Variants in MARCHF1 observed in about 807,000 individuals in gnomAD.
MARCHF1 encodes membrane associated ring-CH-type finger 1.
Under a neutral mutation model 54.2 loss-of-function variants are expected in MARCHF1, and 40 were observed. The observed-to-expected ratio is 0.74, with a 90% CI of 0.57 to 0.96. The LOEUF is 0.96. MARCHF1 is among the 40% of genes least tolerant of loss of function. The probability of loss-of-function intolerance (pLI) is 0.00; values close to 1 mark genes in which losing one functional copy is unlikely to be tolerated. For synonymous variants in MARCHF1, 236 were observed against 236.3 expected (o/e 1.00, Z 0.01); for missense variants, 586 against 656.5 (o/e 0.89, Z 1.17).
chr4:163,955,629 G>A (rs767624333), intron 3 of MARCHF1, among the ~76,000 whole-genome samples: 24 of 152,024 alleles, frequency 1.6e-4, no homozygotes, highest in South Asian at 2.1e-4. Flanking sequence ...CTTGAAGATC[G>A]CATCTAACGT....
rs58808830 is a variant in MARCHF1 at position 164,340,405 on chromosome 4, T to TTATATACATACATATATATATA, written c.-323+43464_-323+43465insTATATATATATGTATGTATATA. ...ACAGCACATGCCACCAGGCCTTGAT[T>TTATATACATACATATATATATA]TATATATAGATATATATATATATAT... On this transcript the variant is annotated intron_variant, in intron 1 of 9. Transcript: ENST00000514618. Among the ~76,000 whole-genome samples, 873 of 95,502 alleles carry TTATATACATACATATATATATA rather than the reference T, an allele frequency of 9.1e-3. 47 individuals are homozygous for TTATATACATACATATATATATA. The highest frequency in any genetic ancestry group is 0.025 in the African/African-American group (700 of 27,770). 62.7% of individuals were successfully genotyped at this position (95,502 alleles called of 152,430 possible). A position where few individuals can be genotyped will look rare whatever the true frequency, so the allele number is the denominator to read the frequency against.
intron 2 of MARCHF1, among the ~76,000 whole-genome samples, chr4:164,059,429 C>A (rs796431865): frequency 1.6e-4 from 24 of 152,132 alleles, no homozygotes; most frequent in African/African-American, 5.8e-4. Flanking sequence ...AGTTCTAGTC[C>A]TTTAAAATTA....
chr4:163,918,527 T>C (rs922784271), intron 3 of MARCHF1, among the ~76,000 whole-genome samples: 13 of 152,050 alleles, frequency 8.5e-5, no homozygotes, highest in African/African-American at 3.1e-4. Flanking sequence ...GCCTATCTGA[T>C]TGTGGGGGAA....
At chr4:163,751,860 T>C (rs771753261) in intron 4 of MARCHF1, among the ~76,000 whole-genome samples, 26 of 151,776 alleles carry the variant, frequency 1.7e-4, no homozygotes, top group Admixed American at 4.6e-4. Context: ...TTGCAGGATG[T>C]ATATGGAAGA....
intron 4 of MARCHF1, among the ~76,000 whole-genome samples, chr4:163,789,688 G>A (rs1011785894): frequency 6.6e-6 from 1 of 151,924 alleles, no homozygotes; most frequent in Non-Finnish European, 1.5e-5. Context: ...ACATGCCTAT[G>A]AAAAAGTTTG....
chr4:163,644,690 T>C (rs182056182), intron 5 of MARCHF1, among the ~76,000 whole-genome samples: 386 of 152,162 alleles, frequency 2.5e-3, no homozygotes, highest in Middle Eastern at 6.8e-3. Flanking sequence ...ATACAGCAGA[T>C]CCCGAAAAAA....
intron 8 of MARCHF1, among the ~76,000 whole-genome samples, chr4:163,557,712 CT>C (rs1739337915): frequency 6.6e-6 from 1 of 150,578 alleles, no homozygotes; most frequent in Non-Finnish European, 1.5e-5. Context: ...CCTTGCTTTT[CT>C]TTTGCCTATA....
intron 5 of MARCHF1, among the ~76,000 whole-genome samples, chr4:163,623,007 A>G (rs1034088275): frequency 3.9e-5 from 6 of 152,200 alleles, no homozygotes; most frequent in African/African-American, 1.4e-4. Flanking sequence ...TCCTACTGAA[A>G]CATACAGTTG....
intron 4 of MARCHF1, among the ~76,000 whole-genome samples, chr4:163,842,953 C>A (rs983220748): frequency 1.4e-5 from 2 of 141,570 alleles, no homozygotes; most frequent in Non-Finnish European, 3.1e-5. Flanking sequence ...TAAGAATGAT[C>A]CCCTCACCCA....
intron 3 of MARCHF1, among the ~76,000 whole-genome samples, chr4:163,981,844 C>G (rs1292418273): frequency 1.3e-5 from 2 of 152,188 alleles, no homozygotes; most frequent in African/African-American, 4.8e-5. Context: ...CTTTCAAACA[C>G]AATGACCACA....
chr4:164,080,551 ACC>A (rs1755073294), intron 2 of MARCHF1, among the ~76,000 whole-genome samples: 2 of 151,378 alleles, frequency 1.3e-5, no homozygotes, highest in Non-Finnish European at 2.9e-5. Context: ...TATTCACAGA[ACC>A]TCTTCCTTCA....
chr4:163,737,165 T>C (rs866831127), intron 4 of MARCHF1, among the ~76,000 whole-genome samples: 1,717 of 45,750 alleles, frequency 0.038, 108 homozygotes, highest in African/African-American at 0.1. Flanking sequence ...TTTTTCTTTC[T>C]TTTTTTTTTT....
chr4:164,360,414 C>T (rs1730690692), intron 1 of MARCHF1, among the ~76,000 whole-genome samples: 1 of 152,034 alleles, frequency 6.6e-6, no homozygotes, highest in African/African-American at 2.4e-5. Flanking sequence ...ATTTTCTTCG[C>T]TTTAAAATAG....
chr4:163,811,587 C>A (rs1458601980), intron 4 of MARCHF1, among the ~76,000 whole-genome samples: 1 of 152,046 alleles, frequency 6.6e-6, no homozygotes, highest in East Asian at 1.9e-4. Flanking sequence ...ATGGTAGAAT[C>A]CAATTTCCGA....
chr4:164,140,131 C>A (rs947055871), intron 1 of MARCHF1, among the ~76,000 whole-genome samples: 2 of 151,374 alleles, frequency 1.3e-5, no homozygotes, highest in Admixed American at 1.3e-4. Context: ...GTAAAACATA[C>A]CCTTAGATAT....
intron 9 of MARCHF1, among the ~76,000 whole-genome samples, chr4:163,543,530 G>A (rs944993856): frequency 2.0e-5 from 3 of 152,046 alleles, no homozygotes; most frequent in African/African-American, 7.2e-5. Flanking sequence ...GGATGTATGG[G>A]TTGGAGTACA....
intron 1 of MARCHF1, among the ~76,000 whole-genome samples, chr4:164,117,551 G>A (rs1239392435): frequency 6.6e-6 from 1 of 151,960 alleles, no homozygotes; most frequent in African/African-American, 2.4e-5. Context: ...GCACAATTGT[G>A]AGATAATTAT....
At chr4:164,170,977 A>T (rs985016033) in intron 1 of MARCHF1, among the ~76,000 whole-genome samples, 4 of 152,104 alleles carry the variant, frequency 2.6e-5, no homozygotes, top group Admixed American at 2.6e-4. Flanking sequence ...TGACAAAATT[A>T]ATTTAAAATG....
intron 3 of MARCHF1, among the ~76,000 whole-genome samples, chr4:163,919,680 G>A (rs1687746577): frequency 6.6e-6 from 1 of 151,944 alleles, no homozygotes; most frequent in Non-Finnish European, 1.5e-5. Flanking sequence ...TACATAATAG[G>A]AGTACAAACT....
Sources: gnomAD v4.1 joint callset for allele counts (sites outside exome capture counted in the v4.1 genomes callset) on GRCh38, gnomAD v4.1.1 for gene constraint, MANE v1.5 for transcripts, NCBI Gene and HGNC (gene_info 2026-07-23, HGNC 2026-07-21) for gene names.